Variants in NF1 observed in about 807,000 individuals in gnomAD.
NF1 encodes the protein neurofibromin 1, also known as neurofibromin.
Under a neutral mutation model 325.7 loss-of-function variants are expected in NF1, and 122 were observed. The ratio of observed to expected loss-of-function variants is 0.37; its 90% CI spans 0.32 to 0.44. The LOEUF is 0.44. Among genes scored for constraint, NF1 ranks in the 20% least tolerant of loss-of-function variants. The pLI is 1.00. For synonymous variants in NF1, 1,091 were observed against 1,186.0 expected (o/e 0.92, Z 1.65); for missense variants, 2,140 against 3,415.4 (o/e 0.63, Z 9.31).
intron 14 of NF1, 182 bp downstream of exon 14, chr17:31,219,300 T>TG: frequency 3.7e-6 from 2 of 536,338 alleles, no homozygotes; most frequent in Non-Finnish European, 6.6e-6. Flanking sequence ...ACTTGCTTTG[T>TG]ATCACATAGC....
intron 51 of NF1, chr17:31,356,200 C>T: frequency 5.3e-6 from 2 of 374,710 alleles, no homozygotes; most frequent in South Asian, 5.5e-5. Context: ...TTTGGTTTAC[C>T]TCCAGTGTAC....
At chr17:31,171,896 G>A (rs1447335023) in intron 5 of NF1, among the ~76,000 whole-genome samples, 1 of 152,040 alleles carries the variant, frequency 6.6e-6, no homozygotes, top group East Asian at 1.9e-4. Context: ...CTCATGGCAT[G>A]GTTTATGAGA....
intron 36 of NF1, chr17:31,297,429 T>C (rs2068490525): frequency 6.6e-6 from 1 of 152,132 alleles, no homozygotes. Context: ...AGCGTACCTA[T>C]ATATCTGATT....
At chr17:31,288,334 A>G (rs1001865175) in intron 36 of NF1, among the ~76,000 whole-genome samples, 7 of 152,166 alleles carry the variant, frequency 4.6e-5, no homozygotes, top group Middle Eastern at 3.4e-3. Flanking sequence ...ACAGTTTTCT[A>G]AATGTGAAAC....
chr17:31,286,655 A>T (rs2068233142), intron 36 of NF1, among the ~76,000 whole-genome samples: 1 of 152,220 alleles, frequency 6.6e-6, no homozygotes, highest in Non-Finnish European at 1.5e-5. Context: ...GGTATAAGGA[A>T]TACAGATGAG....
intron 36 of NF1, chr17:31,314,495 A>G (rs2068970863): frequency 6.6e-6 from 1 of 152,600 alleles, no homozygotes; most frequent in South Asian, 2.1e-4. Flanking sequence ...GGTTATTGTG[A>G]GGATTAAATA....
chr17:31,283,281 G>T (rs935928262), intron 36 of NF1, among the ~76,000 whole-genome samples: 12 of 152,006 alleles, frequency 7.9e-5, no homozygotes, highest in Non-Finnish European at 1.0e-4. Flanking sequence ...GCTGGTCGTG[G>T]TGGCGGGCAC....
At chr17:31,121,295 G>A (rs1035456475) in intron 1 of NF1, among the ~76,000 whole-genome samples, 12 of 151,924 alleles carry the variant, frequency 7.9e-5, no homozygotes, top group East Asian at 1.9e-4. Context: ...GACCAGTTAC[G>A]TGACAAATAC....
At chr17:31,162,653 C>A (rs989962200) in intron 3 of NF1, among the ~76,000 whole-genome samples, 2 of 152,022 alleles carry the variant, frequency 1.3e-5, no homozygotes, top group Non-Finnish European at 2.9e-5. Flanking sequence ...TAAGAGATGC[C>A]AAGGCACATG....
intron 5 of NF1, among the ~76,000 whole-genome samples, chr17:31,178,384 G>A (rs989682239): frequency 6.6e-6 from 1 of 152,178 alleles, no homozygotes; most frequent in Admixed American, 6.5e-5. Context: ...AGCATGGAAA[G>A]GAACAACTGG....
At chr17:31,187,514 T>A (rs2066263378) in intron 8 of NF1, among the ~76,000 whole-genome samples, 2 of 152,166 alleles carry the variant, frequency 1.3e-5, no homozygotes, top group Admixed American at 1.3e-4. Context: ...TTAACCATGT[T>A]CCCAACCATC....
In NF1 at chr17:31,232,846, A is replaced by G. The variant is rs371544233; in HGVS notation, c.3461A>G (p.Asn1154Ser). 12 of 1,614,020 alleles carry G rather than the reference A, an allele frequency of 7.4e-6. No individual in the cohort carries two copies. The highest frequency in any genetic ancestry group is 3.3e-5 in the Admixed American group (2 of 60,008). Residue 1154 changes from asparagine to serine, a missense_variant, in exon 26 of 58, where the codon AAT (asparagine) becomes AGT (serine). Physicochemically the swap from Asn to Ser is conservative, Grantham distance 46 (BLOSUM62 1). Around this residue, in one of 10 missense-constraint regions of NF1, gnomAD observed 380 missense variants for 639.3 expected, o/e 0.59. Coordinates refer to ENST00000358273, the MANE Select transcript of NF1 (RefSeq NM_001042492.3). ...GTCCTTGCAATGTCAAACTTACTCAATGCCAACGTAGACAGTGGTCTCATG... is the reference window on the plus strand; with the variant it reads ...GTCCTTGCAATGTCAAACTTACTCAGTGCCAACGTAGACAGTGGTCTCATG... ...CTVLAMSNLL[N>S]ANVDSGLMHS...
Position 31,233,109 on chromosome 17 carries a change from G to T in NF1, c.3604G>T (p.Ala1202Ser), listed in dbSNP as rs146641724. 4.9e-5 allele frequency: 79 copies of T among 1,614,020 alleles called. No homozygotes were observed. Among genetic ancestry groups the T allele is most frequent in the Non-Finnish European group, 6.5e-5 (77 of 1,180,032 alleles). ...TGACACACTTGCAGAAACAGTATTG[G>T]CTGATCGGTTTGAGAGATTGGTGGA... ...EFDTLAETVL[A>S]DRFERLVELV... Residue 1202 changes from alanine to serine, a missense_variant, in exon 27 of 58, where the codon GCT (alanine) becomes TCT (serine). By Grantham distance (99) the Ala-to-Ser change is moderately conservative. Coordinates refer to ENST00000358273, the MANE Select transcript of NF1 (RefSeq NM_001042492.3).
In NF1 at chr17:31,330,391, C is replaced by T. The variant is rs1465309384; in HGVS notation, c.5705C>T (p.Ala1902Val). Residue 1902 changes from alanine (A) to valine (V), a missense_variant, in exon 39 of 58, where the codon GCC becomes GTC. Ala to Val is a moderately conservative substitution (Grantham distance 64). Coordinates refer to ENST00000358273, the MANE Select transcript of NF1 (RefSeq NM_001042492.3). The part of the protein sequence containing the change: ...LLETSGLCIP[A>V]NNTLFIVSIS... ...GAGACATCAGGTTTATGTATCCCTG[C>T]CAACAACACCCTCTTTATTGTCTCT... is the stretch of plus-strand genomic sequence containing the variant. The T allele has an allele frequency of 6.2e-7, 1 of 1,613,710 alleles. No homozygotes were observed. Among genetic ancestry groups the T allele is most frequent in the Non-Finnish European group, 8.5e-7 (1 of 1,179,666 alleles).
At chr17:31,360,741 A>AAGT (rs2070378486) in intron 57 of NF1, 38 bp downstream of exon 57, 1 of 1,529,420 alleles carries the variant, frequency 6.5e-7, no homozygotes. Context: ...TTGAGCAACA[A>AAGT]TATAAGACAC....
At chr17:31,285,718 C>CTGTA (rs2068213831) in intron 36 of NF1, among the ~76,000 whole-genome samples, 1 of 152,052 alleles carries the variant, frequency 6.6e-6, no homozygotes, top group East Asian at 1.9e-4. Context: ...TGATGAGAGC[C>CTGTA]TGTAGTTTCA....
intron 2 of NF1, 146 bp from the exon 3 acceptor site, chr17:31,158,864 A>C: frequency 1.8e-6 from 1 of 553,194 alleles, no homozygotes; most frequent in Non-Finnish European, 3.3e-6. Context: ...GGATAAAATC[A>C]GAAATAATAT....
intron 2 of NF1, among the ~76,000 whole-genome samples, 170 bp from the exon 3 acceptor site, chr17:31,158,840 T>C (rs1181638391): frequency 6.6e-6 from 1 of 152,160 alleles, no homozygotes; most frequent in Non-Finnish European, 1.5e-5. Context: ...AGACTTTAGT[T>C]TTTATGAGGA....
chr17:31,322,498 T>C (rs1195443445), intron 36 of NF1, among the ~76,000 whole-genome samples: 2 of 34,902 alleles, frequency 5.7e-5, no homozygotes, highest in Admixed American at 6.0e-4. Flanking sequence ...TAAGACTCTG[T>C]CTCAAAAAAA....
Sources: allele counts gnomAD v4.1 joint callset (sites outside exome capture counted in the v4.1 genomes callset), GRCh38; gene constraint gnomAD v4.1.1; regional missense constraint gnomAD v4.1.1; transcripts MANE v1.5; gene names NCBI Gene and HGNC (gene_info 2026-07-23, HGNC 2026-07-21).